Variants in PPP3CA observed in about 807,000 individuals in gnomAD.
The protein encoded by PPP3CA is protein phosphatase 3 catalytic subunit alpha.
Under a neutral mutation model 66.5 loss-of-function variants are expected in PPP3CA, and 14 were observed. The ratio of observed to expected loss-of-function variants is 0.21; its 90% confidence interval spans 0.14 to 0.33. The LOEUF is 0.33. Among genes scored for constraint, PPP3CA ranks in the 10% least tolerant of loss-of-function variants. The pLI is 1.00. For missense variants in PPP3CA, 317 were observed against 639.5 expected, an observed-to-expected ratio of 0.50 and a Z score of 5.44; for synonymous variants, 232 against 226.2, an observed-to-expected ratio of 1.03 and a Z score of -0.23.
At position 101,347,477 on chromosome 4, in the gene PPP3CA, C is replaced by CA. The variant is rs1730058780; in HGVS notation, c.-682dup. 1 of 163,116 alleles carries CA rather than the reference C, an allele frequency of 6.1e-6. No homozygotes were observed. The highest frequency in any genetic ancestry group is 1.4e-4 in the South Asian group (1 of 7,110). The allele number at this position is 163,116 out of a possible 1,614,324, so 10.1% of individuals were successfully genotyped here. Reference sequence around the variant, plus strand: ...TGCCTCCCCGCGCCGCTCCTCCACTCACCAAGGCACAGCCGCCGAGCTCGG... The same window carrying CA: ...TGCCTCCCCGCGCCGCTCCTCCACTCAACCAAGGCACAGCCGCCGAGCTCGG... On this transcript the variant is annotated 5_prime_UTR_variant, in exon 1 of 14. Transcript: ENST00000394854.
chr4:101,071,200 C>T (rs1728903780), intron 8 of PPP3CA, among the ~76,000 whole-genome samples: 1 of 152,162 alleles, frequency 6.6e-6, no homozygotes, highest in South Asian at 2.1e-4. Context: ...GTTATCACTA[C>T]ACATTCGTAG....
Position 101,025,309 on chromosome 4 carries a change from T to TTC in PPP3CA, c.*555_*556insGA, listed in dbSNP as rs893283810. ...GTTCTTTTTTTTCTTTTTCTGTTTTTTTTTTTTTTTAAGACTGCCTAATTC... is the reference window on the plus strand; with the variant it reads ...GTTCTTTTTTTTCTTTTTCTGTTTTTTCTTTTTTTTTTAAGACTGCCTAATTC... On this transcript the variant is annotated 3_prime_UTR_variant, in exon 14 of 14. Coordinates refer to ENST00000394854, the MANE Select transcript of PPP3CA (RefSeq NM_000944.5). The TTC allele has an allele frequency of 2.0e-5, 3 of 151,384 alleles. No homozygotes were observed. Among genetic ancestry groups the TTC allele is most frequent in the Non-Finnish European group, 4.4e-5 (3 of 67,716 alleles). The allele number at this position is 151,384 out of a possible 1,614,324, so 9.4% of individuals were successfully genotyped here.
chr4:101,198,263 A>T (rs1304834709), intron 1 of PPP3CA, among the ~76,000 whole-genome samples: 1 of 152,218 alleles, frequency 6.6e-6, no homozygotes, highest in East Asian at 1.9e-4. Flanking sequence ...TTAGGAAAAC[A>T]TGTAGATGTT....
intron 5 of PPP3CA, among the ~76,000 whole-genome samples, chr4:101,095,919 G>T (rs1730176320): frequency 6.6e-6 from 1 of 152,066 alleles, no homozygotes. Context: ...CAAAGTGCTG[G>T]GATTACAGGC....
intron 1 of PPP3CA, among the ~76,000 whole-genome samples, chr4:101,297,605 T>TCAAC (rs1257374543): frequency 2.0e-5 from 3 of 151,968 alleles, no homozygotes; most frequent in Non-Finnish European, 4.4e-5. Flanking sequence ...TGGGAAAGAG[T>TCAAC]CAACCATGCC....
Position 101,346,957 on chromosome 4 carries a change from T to A in PPP3CA, c.-161A>T. ...GGCTCTGAGCTGGCTTTAAAGTTGC[T>A]GCCTTTTCCGCGCGTCCCTCCTCCG... On this transcript the variant is annotated 5_prime_UTR_variant, in exon 1 of 14. Transcript: ENST00000394854. 1 of 786,238 alleles carries A rather than the reference T, an allele frequency of 1.3e-6. No homozygotes were observed. The highest frequency in any genetic ancestry group is 1.7e-5 in the South Asian group (1 of 58,980). The allele number at this position is 786,238 out of a possible 1,614,324, so 48.7% of individuals were successfully genotyped here.
intron 10 of PPP3CA, among the ~76,000 whole-genome samples, chr4:101,052,398 A>G (rs917075103): frequency 6.6e-6 from 1 of 152,062 alleles, no homozygotes; most frequent in Non-Finnish European, 1.5e-5. Context: ...TATACTAGCT[A>G]TAACAAGGTG....
intron 8 of PPP3CA, among the ~76,000 whole-genome samples, chr4:101,078,843 C>T (rs979431203): frequency 3.3e-5 from 5 of 152,250 alleles, no homozygotes; most frequent in South Asian, 4.1e-4. Flanking sequence ...GACTCCCACT[C>T]CCACATACTT....
chr4:101,039,004 G>T (rs1349414460), intron 11 of PPP3CA, among the ~76,000 whole-genome samples: 3 of 106,054 alleles, frequency 2.8e-5, no homozygotes, highest in African/African-American at 9.5e-5. Context: ...ACTTCAGACA[G>T]AATAAGAAAT....
chr4:101,193,333 AAAGAT>A (rs1169534670), intron 2 of PPP3CA, among the ~76,000 whole-genome samples: 4 of 152,262 alleles, frequency 2.6e-5, no homozygotes, highest in Non-Finnish European at 5.9e-5. Flanking sequence ...GCAAGAATAC[AAAGAT>A]AAGTTCAACT....
At chr4:101,234,656 A>C (rs1196730309) in intron 1 of PPP3CA, among the ~76,000 whole-genome samples, 1 of 151,070 alleles carries the variant, frequency 6.6e-6, no homozygotes, top group Non-Finnish European at 1.5e-5. Context: ...TTATTTTTTT[A>C]TCACAAAGTG....
chr4:101,238,875 T>G lies in PPP3CA; in HGVS notation c.59-42759A>C, dbSNP rs79979384. 7.4e-3 allele frequency among the ~76,000 whole-genome samples: 1,125 copies of G among 152,210 alleles called. 10 individuals carry two copies. The highest frequency in any genetic ancestry group is 0.024 in the Middle Eastern group (7 of 294). On this transcript the variant is annotated intron_variant, in intron 1 of 13. Coordinates refer to ENST00000394854, the MANE Select transcript of PPP3CA (RefSeq NM_000944.5). Reference sequence around the variant, plus strand: ...AGACGTTTTGAATGTCTTACACAATTATTGCTTTACTGGCACTTTGATGAC... The same window carrying G: ...AGACGTTTTGAATGTCTTACACAATGATTGCTTTACTGGCACTTTGATGAC...
chr4:101,191,961 T>A (rs545295646), intron 2 of PPP3CA, among the ~76,000 whole-genome samples: 1 of 152,312 alleles, frequency 6.6e-6, no homozygotes, highest in South Asian at 2.1e-4. Context: ...CAGCTGATGC[T>A]GGCCTATCCC....
In PPP3CA at chr4:101,161,481, T is replaced by G. The variant is rs532781770; in HGVS notation, c.259+34435A>C. 3.3e-5 allele frequency among the ~76,000 whole-genome samples: 5 copies of G among 152,252 alleles called. No individual in the cohort carries two copies. The East Asian group carries it at 9.6e-4, about 29-fold the overall frequency. ...GAAACTAAGCAGACTGCCTTAGTGT[T>G]GTTATGGGAACATTTATCAGATGGG... On this transcript the variant is annotated intron_variant, in intron 2 of 13. Transcript: ENST00000394854.
At chr4:101,227,934 G>A (rs1324701220) in intron 1 of PPP3CA, among the ~76,000 whole-genome samples, 1 of 151,634 alleles carries the variant, frequency 6.6e-6, no homozygotes, top group Non-Finnish European at 1.5e-5. Flanking sequence ...GTATTCCATG[G>A]TGTTTATTTA....
At chr4:101,272,536 G>T (rs1727367950) in intron 1 of PPP3CA, among the ~76,000 whole-genome samples, 1 of 152,140 alleles carries the variant, frequency 6.6e-6, no homozygotes, top group Admixed American at 6.6e-5. Flanking sequence ...TCATTTGCAT[G>T]CTTCTCTTTA....
intron 2 of PPP3CA, among the ~76,000 whole-genome samples, chr4:101,144,927 A>G (rs1361031924): frequency 1.3e-5 from 2 of 152,234 alleles, no homozygotes; most frequent in Admixed American, 6.5e-5. Context: ...AAGCTTAGAA[A>G]TATATTTTAC....
chr4:101,106,477 A>G (rs1730751166), intron 3 of PPP3CA, among the ~76,000 whole-genome samples: 3 of 53,440 alleles, frequency 5.6e-5, no homozygotes, highest in African/African-American at 3.7e-4. Flanking sequence ...AAAGAAAAGA[A>G]AAGAAAAGAA....
chr4:101,283,150 T>C (rs1307791999), intron 1 of PPP3CA, among the ~76,000 whole-genome samples: 1 of 152,174 alleles, frequency 6.6e-6, no homozygotes, highest in Non-Finnish European at 1.5e-5. Flanking sequence ...TACAGGAAAA[T>C]AAAAATTTAC....
Sources: allele counts gnomAD v4.1 joint callset (sites outside exome capture counted in the v4.1 genomes callset), GRCh38; gene constraint gnomAD v4.1.1; transcripts MANE v1.5; gene names NCBI Gene and HGNC (gene_info 2026-07-23, HGNC 2026-07-21).